CDH18: variants seen among roughly 807,000 people sequenced by gnomAD.
The protein encoded by CDH18 is cadherin 18.
Under a neutral mutation model 67.9 loss-of-function variants are expected in CDH18, and 31 were observed. The ratio of observed to expected loss-of-function variants is 0.46; its 90% confidence interval spans 0.34 to 0.62. The LOEUF is 0.62. Among genes scored for constraint, CDH18 ranks in the 20% least tolerant of loss-of-function variants. The probability of loss-of-function intolerance (pLI) is 0.01; values close to 1 mark genes in which losing one functional copy is unlikely to be tolerated. For missense variants in CDH18, 890 were observed against 975.5 expected, an observed-to-expected ratio of 0.91 and a Z score of 1.17; for synonymous variants, 362 against 347.2, an observed-to-expected ratio of 1.04 and a Z score of -0.48.
At chr5:19,946,212 G>A (rs184522774) in intron 2 of CDH18, among the ~76,000 whole-genome samples, 69 of 152,182 alleles carry the variant, frequency 4.5e-4, no homozygotes, top group African/African-American at 1.5e-3. Flanking sequence ...TATATTTCAG[G>A]TGATTAAATA....
intron 1 of CDH18, among the ~76,000 whole-genome samples, chr5:20,513,110 G>A (rs1176260736): frequency 3.3e-5 from 5 of 152,026 alleles, no homozygotes; most frequent in Non-Finnish European, 5.9e-5. Context: ...GAAGGCCATA[G>A]ATATGAAAAA....
intron 2 of CDH18, among the ~76,000 whole-genome samples, chr5:20,137,229 T>C (rs1482637552): frequency 6.6e-6 from 1 of 152,190 alleles, no homozygotes; most frequent in Non-Finnish European, 1.5e-5. Flanking sequence ...CAGTCCGATG[T>C]AGACTTGCTC....
At chr5:19,967,892 A>C (rs1249669129) in intron 2 of CDH18, among the ~76,000 whole-genome samples, 1 of 152,118 alleles carries the variant, frequency 6.6e-6, no homozygotes, top group East Asian at 1.9e-4. Flanking sequence ...GAAAAGAGGA[A>C]GTCAAATTGT....
chr5:20,304,895 T>G, intron 1 of CDH18: 1 of 1,612,134 alleles, frequency 6.2e-7, no homozygotes, highest in Non-Finnish European at 8.5e-7. Context: ...TCTTTAAAGA[T>G]AGGTGTCAGA....
intron 2 of CDH18, among the ~76,000 whole-genome samples, chr5:20,143,298 T>G (rs962543343): frequency 1.3e-5 from 2 of 152,164 alleles, no homozygotes; most frequent in African/African-American, 4.8e-5. Context: ...ATGAATTGAT[T>G]GAGATGGAAA....
At chr5:19,638,139 G>A (rs562044491) in intron 5 of CDH18, among the ~76,000 whole-genome samples, 1 of 152,056 alleles carries the variant, frequency 6.6e-6, no homozygotes, top group Non-Finnish European at 1.5e-5. Flanking sequence ...ATAACAAGTC[G>A]ACAGTAAACA....
At position 19,813,214 on chromosome 5, in the gene CDH18, A is replaced by C. The variant is rs186735054; in HGVS notation, c.228+25545T>G. 2.0e-5 allele frequency among the ~76,000 whole-genome samples: 3 copies of C among 152,210 alleles called. No homozygotes were observed. The East Asian group carries it at 5.8e-4, about 29-fold the overall frequency. On this transcript the variant is annotated intron_variant, in intron 3 of 12. Transcript: ENST00000382275. ...AGATGATGGGTTGATGGGTGCAGCA[A>C]ACCACAATGGCATGTGTATATTTAC... is the stretch of plus-strand genomic sequence containing the variant.
At chr5:19,648,372 G>T (rs1184173856) in intron 5 of CDH18, among the ~76,000 whole-genome samples, 1 of 152,038 alleles carries the variant, frequency 6.6e-6, no homozygotes, top group Admixed American at 6.6e-5. Context: ...CCGAGATCAT[G>T]CCACTGCACT....
At chr5:20,148,477 C>T (rs1047313338) in intron 2 of CDH18, among the ~76,000 whole-genome samples, 3 of 151,982 alleles carry the variant, frequency 2.0e-5, no homozygotes, top group African/African-American at 7.2e-5. Context: ...AAAATCTAAG[C>T]AATTTTATAC....
At chr5:20,264,813 C>T (rs1744908395) in intron 1 of CDH18, among the ~76,000 whole-genome samples, 1 of 152,042 alleles carries the variant, frequency 6.6e-6, no homozygotes, top group Non-Finnish European at 1.5e-5. Flanking sequence ...GCTTCTTTGA[C>T]AGACTGGGTA....
chr5:19,574,841 C>T (rs1395515887), intron 7 of CDH18, among the ~76,000 whole-genome samples: 1 of 151,954 alleles, frequency 6.6e-6, no homozygotes, highest in Admixed American at 6.6e-5. Context: ...AGGAGGTCGA[C>T]CATCGTGGCT....
At chr5:19,709,010 A>C (rs1469349462) in intron 5 of CDH18, among the ~76,000 whole-genome samples, 5 of 151,780 alleles carry the variant, frequency 3.3e-5, no homozygotes, top group East Asian at 3.9e-4. Context: ...TCTGTTAAAT[A>C]AATAAATAAA....
At chr5:19,542,921 T>C (rs576637165) in intron 9 of CDH18, among the ~76,000 whole-genome samples, 2 of 152,220 alleles carry the variant, frequency 1.3e-5, no homozygotes, top group Admixed American at 6.5e-5. Context: ...GTGTGAATTG[T>C]ATATCAATGA....
intron 2 of CDH18, among the ~76,000 whole-genome samples, chr5:20,030,339 T>C (rs182818104): frequency 2.0e-4 from 31 of 152,316 alleles, no homozygotes; most frequent in Non-Finnish European, 1.9e-4. Context: ...GCTATGTTCA[T>C]AGAAACACAT....
intron 1 of CDH18, among the ~76,000 whole-genome samples, chr5:20,410,788 C>CT (rs1562043223): frequency 6.6e-6 from 1 of 151,678 alleles, no homozygotes; most frequent in Non-Finnish European, 1.5e-5. Context: ...AAGCTCTTTT[C>CT]TTTTTTGGTT....
At chr5:19,883,554 T>C (rs1193319471) in intron 2 of CDH18, among the ~76,000 whole-genome samples, 1 of 152,100 alleles carries the variant, frequency 6.6e-6, no homozygotes, top group Non-Finnish European at 1.5e-5. Flanking sequence ...TGTCCAGTAT[T>C]ACATTTTCAA....
chr5:19,646,632 C>T (rs1006185816), intron 5 of CDH18, among the ~76,000 whole-genome samples: 52 of 152,098 alleles, frequency 3.4e-4, no homozygotes, highest in African/African-American at 1.1e-3. Flanking sequence ...TGAGCCACCA[C>T]GCCCGGCCTT....
At chr5:20,476,301 G>A (rs746888491) in intron 1 of CDH18, among the ~76,000 whole-genome samples, 3 of 150,132 alleles carry the variant, frequency 2.0e-5, no homozygotes, top group Admixed American at 6.6e-5. Context: ...TCATTTAACA[G>A]AAGGTAGTTA....
intron 5 of CDH18, among the ~76,000 whole-genome samples, chr5:19,694,582 C>T (rs903672647): frequency 6.6e-6 from 1 of 151,972 alleles, no homozygotes; most frequent in Non-Finnish European, 1.5e-5. Flanking sequence ...TACATATTCA[C>T]CAGTTTTAAA....
Sources: gnomAD v4.1 joint callset for allele counts (sites outside exome capture counted in the v4.1 genomes callset) on GRCh38, gnomAD v4.1.1 for gene constraint, MANE v1.5 for transcripts, NCBI Gene and HGNC (gene_info 2026-07-23, HGNC 2026-07-21) for gene names.